The following SLC4A4 variants were observed in gnomAD, a reference collection of about 807,000 sequenced individuals.
SLC4A4 encodes the protein solute carrier family 4 member 4.
A neutral mutation model predicts 111.5 loss-of-function variants in SLC4A4; 27 were observed. The ratio of observed to expected loss-of-function variants is 0.24; its 90% CI spans 0.18 to 0.33. The LOEUF (loss-of-function observed/expected upper bound fraction) is 0.33, where lower values mean the gene tolerates loss of function less well. Among genes scored for constraint, SLC4A4 ranks in the 10% least tolerant of loss-of-function variants. The probability of loss-of-function intolerance (pLI) is 1.00; values close to 1 mark genes in which losing one functional copy is unlikely to be tolerated. For synonymous variants in SLC4A4, 443 were observed against 463.4 expected, an observed-to-expected ratio of 0.96 and a Z score of 0.57; for missense variants, 909 against 1,315.5, an observed-to-expected ratio of 0.69 and a Z score of 4.78.
chr4:71,180,163 A>AC (rs1471603294), intron 2 of SLC4A4, among the ~76,000 whole-genome samples: 4 of 152,254 alleles, frequency 2.6e-5, no homozygotes, highest in African/African-American at 9.6e-5. Flanking sequence ...GAAAGCTGAA[A>AC]CAGGATCCCT....
At chr4:71,511,401 A>G (rs1332372081) in intron 16 of SLC4A4, among the ~76,000 whole-genome samples, 1 of 151,554 alleles carries the variant, frequency 6.6e-6, no homozygotes, top group African/African-American at 2.4e-5. Context: ...TTTTCCCCTT[A>G]TGCTCTTTTT....
intron 13 of SLC4A4, among the ~76,000 whole-genome samples, chr4:71,470,731 C>A (rs1268646963): frequency 2.0e-5 from 3 of 152,130 alleles, no homozygotes; most frequent in Non-Finnish European, 4.4e-5. Context: ...ACAAGGCTGA[C>A]AGGCTGGAGA....
chr4:71,332,341 C>G (rs1178775399), intron 3 of SLC4A4, among the ~76,000 whole-genome samples: 1 of 151,988 alleles, frequency 6.6e-6, no homozygotes, highest in East Asian at 1.9e-4. Context: ...TCTCTCCCTT[C>G]TCTTTATGCC....
At chr4:71,359,261 TG>T (rs1730552344) in intron 6 of SLC4A4, among the ~76,000 whole-genome samples, 1 of 152,264 alleles carries the variant, frequency 6.6e-6, no homozygotes. Flanking sequence ...TCTTTTCACT[TG>T]TGAAATGTTA....
At chr4:71,250,506 C>T (rs1013860695) in intron 2 of SLC4A4, among the ~76,000 whole-genome samples, 1 of 152,068 alleles carries the variant, frequency 6.6e-6, no homozygotes, top group Non-Finnish European at 1.5e-5. Flanking sequence ...AAGATTTTAC[C>T]TGTCCTTTGG....
In SLC4A4 at chr4:71,568,000, G is replaced by A; in HGVS notation, c.*249G>A. The A allele has an allele frequency of 2.9e-6, 2 of 693,648 alleles. No homozygotes were observed. Among genetic ancestry groups the A allele is most frequent in the South Asian group, 1.7e-5 (1 of 58,972 alleles). 43.0% of individuals were successfully genotyped at this position (693,648 alleles called of 1,614,324 possible). ...ATTTCGTCTCAGTTTTTGGTCACAG[G>A]CCAAATAATACAGCGCTCTCTCTGC... On this transcript the variant is annotated 3_prime_UTR_variant, in exon 26 of 26. Transcript: ENST00000264485.
At position 71,085,582 on chromosome 4, in the gene SLC4A4, A is replaced by G. The variant is rs1476856032; in HGVS notation, c.-64-7148A>G. The stretch of plus-strand genomic sequence containing the variant: ...TAATCCAACTTGAATTAATTTTTGT[A>G]TAAGGGGTAAGGAAGGGATCTAGTT... On this transcript the variant is annotated intron_variant, in intron 1 of 26. Coordinates refer to the SLC4A4 transcript ENST00000649996. Among the ~76,000 whole-genome samples the G allele has an allele frequency of 4.6e-5, 7 of 152,170 alleles. No individual in the cohort carries two copies. The South Asian group carries it at 6.2e-4, about 14-fold the overall frequency.
At chr4:71,483,923 T>C (rs1729124538) in intron 14 of SLC4A4, among the ~76,000 whole-genome samples, 1 of 116,202 alleles carries the variant, frequency 8.6e-6, no homozygotes, top group African/African-American at 2.6e-5. Flanking sequence ...CTAATGATCA[T>C]TGATGTTGAG....
intron 3 of SLC4A4, among the ~76,000 whole-genome samples, chr4:71,327,279 C>T (rs78339798): frequency 1.1e-3 from 161 of 152,102 alleles, no homozygotes; most frequent in Middle Eastern, 3.4e-3. Context: ...CTGTGATTTC[C>T]GTGTCTTCTG....
chr4:71,389,996 T>C (rs974722748), intron 6 of SLC4A4, among the ~76,000 whole-genome samples: 3 of 152,250 alleles, frequency 2.0e-5, no homozygotes, highest in Admixed American at 2.0e-4. Flanking sequence ...TTCTGACTGA[T>C]GATATGTTTA....
intron 2 of SLC4A4, among the ~76,000 whole-genome samples, chr4:71,173,314 G>C (rs1211745786): frequency 1.3e-5 from 2 of 152,236 alleles, no homozygotes; most frequent in Non-Finnish European, 1.5e-5. Flanking sequence ...GTTGAAATGA[G>C]AGAAGTAGAT....
chr4:71,543,175 G>A (rs536398210), intron 18 of SLC4A4, among the ~76,000 whole-genome samples: 2 of 152,222 alleles, frequency 1.3e-5, no homozygotes, highest in South Asian at 2.1e-4. Context: ...AATGAGGCTG[G>A]GTGGGAAGAC....
At position 71,089,536 on chromosome 4, in the gene SLC4A4, C is replaced by T. The variant is rs542192267; in HGVS notation, c.-64-3194C>T. ...TCCCCATCTTTGTGGTTTTATCTAC[C>T]TTTGGTCTTTGATGATGGTGACGTA... On this transcript the variant is annotated intron_variant, in intron 1 of 26. Transcript: ENST00000649996. Among the ~76,000 whole-genome samples, 17 of 151,992 alleles carry T rather than the reference C, an allele frequency of 1.1e-4. 1 individual carries two copies. The South Asian group carries it at 2.9e-3, about 26-fold the overall frequency.
chr4:71,165,080 T>C (rs1257857421), intron 2 of SLC4A4, among the ~76,000 whole-genome samples: 2 of 152,062 alleles, frequency 1.3e-5, no homozygotes, highest in African/African-American at 4.8e-5. Flanking sequence ...TGTGGAGAAA[T>C]AGGAACACTT....
intron 6 of SLC4A4, among the ~76,000 whole-genome samples, chr4:71,384,538 C>G (rs1718471597): frequency 6.6e-6 from 1 of 150,614 alleles, no homozygotes; most frequent in African/African-American, 2.4e-5. Flanking sequence ...AGCTGTAAAT[C>G]TAGAGCAGTG....
intron 1 of SLC4A4, among the ~76,000 whole-genome samples, chr4:71,082,464 G>T (rs898494990): frequency 6.6e-6 from 1 of 151,930 alleles, no homozygotes; most frequent in Non-Finnish European, 1.5e-5. Flanking sequence ...CCAAATTGCT[G>T]CATGTTCTTG....
chr4:71,150,289 A>G (rs1301374253), intron 2 of SLC4A4, among the ~76,000 whole-genome samples: 8 of 152,090 alleles, frequency 5.3e-5, no homozygotes, highest in Admixed American at 1.3e-4. Context: ...TGGGTGAAAT[A>G]GCAACTGGGT....
At position 71,357,159 on chromosome 4, in the gene SLC4A4, A is replaced by G; in HGVS notation, c.702A>G (p.Ala234=). ...ACATTGGGAAGACAGTCTCCAGTGC[A>G]AGTAGGATGTTTACCAACCCTGATA... ...LADIGKTVSS[A]SRMFTNPDNG... is the part of the protein sequence containing the mutation. Residue 234 remains alanine, a synonymous_variant, in exon 6 of 26, where the codon GCA becomes GCG. Coordinates refer to ENST00000264485, the MANE Select transcript of SLC4A4 (RefSeq NM_001098484.3). 6.2e-7 allele frequency: 1 copy of G among 1,614,156 alleles called. No homozygotes were observed. The highest frequency in any genetic ancestry group is 8.5e-7 in the Non-Finnish European group (1 of 1,180,016).
At chr4:71,213,192 T>C (rs1417337362) in intron 1 of SLC4A4, among the ~76,000 whole-genome samples, 1 of 152,248 alleles carries the variant, frequency 6.6e-6, no homozygotes, top group Non-Finnish European at 1.5e-5. Context: ...CATGACTGCA[T>C]AAGACCTGAT....
Sources: allele counts gnomAD v4.1 joint callset (sites outside exome capture counted in the v4.1 genomes callset), GRCh38; gene constraint gnomAD v4.1.1; transcripts MANE v1.5; gene names NCBI Gene and HGNC (gene_info 2026-07-23, HGNC 2026-07-21).